The following AASDH variants were observed in gnomAD, a reference collection of about 807,000 sequenced individuals.
AASDH encodes aminoadipate-semialdehyde dehydrogenase.
AASDH carries 81 observed loss-of-function variants against 102.3 expected under a neutral mutation model. That is an observed-to-expected ratio of 0.79 (90% CI 0.66 to 0.95). The LOEUF (loss-of-function observed/expected upper bound fraction) is 0.95. Among genes scored for constraint, AASDH ranks in the 40% least tolerant of loss-of-function variants. The probability of loss-of-function intolerance (pLI) is 0.00; values close to 1 mark genes in which losing one functional copy is unlikely to be tolerated. For missense variants in AASDH, 1,203 were observed against 1,266.2 expected, an observed-to-expected ratio of 0.95 and a Z score of 0.76; for synonymous variants, 398 against 454.0, an observed-to-expected ratio of 0.88 and a Z score of 1.57.
chr4:56,354,613 A>C (rs1187682068), intron 7 of AASDH, 92 bp downstream of exon 7: 1 of 921,912 alleles, frequency 1.1e-6, no homozygotes, highest in East Asian at 2.5e-5. Context: ...AAAGCATGAG[A>C]TAGACAAAAG....
At chr4:56,376,336 TCTTAAAGACAAAAC>T (rs1752338038) in intron 4 of AASDH, among the ~76,000 whole-genome samples, 1 of 152,172 alleles carries the variant, frequency 6.6e-6, no homozygotes, top group South Asian at 2.1e-4. Context: ...ACCTCTCCCA[TCTTAAAGACAAAAC>T]ACCTGTGTCC....
chr4:56,356,358 G>A (rs1009590374), intron 5 of AASDH: 378 of 1,584,692 alleles, frequency 2.4e-4, no homozygotes, highest in Non-Finnish European at 2.9e-4. Flanking sequence ...GCGGCTGAAA[G>A]TGCCTCCTGC....
rs1194788893 is a variant in AASDH at position 56,345,157 on chromosome 4, A to C, written c.2622T>G (p.His874Gln). ...TATCTAAAGCATATGCGTGCTGGTCATGAGATCCAATGTAAATGAGTCCTG... is the reference window on the plus strand; with the variant it reads ...TATCTAAAGCATATGCGTGCTGGTCCTGAGATCCAATGTAAATGAGTCCTG... ...PTTGLIYIGS[H>Q]DQHAYALDIY... The change falls in exon 12 of 15, where the codon CAT (histidine) becomes CAG (glutamine). Residue 874 changes from histidine (H) to glutamine (Q), a missense_variant. Physicochemically the swap from His to Gln is conservative, Grantham distance 24. Coordinates refer to ENST00000205214, the MANE Select transcript of AASDH (RefSeq NM_181806.4). The C allele has an allele frequency of 1.2e-6, 2 of 1,614,118 alleles. No homozygotes were observed. Among genetic ancestry groups the C allele is most frequent in the Admixed American group, 1.7e-5 (1 of 60,000 alleles).
intron 1 of AASDH, among the ~76,000 whole-genome samples, chr4:56,387,044 T>C (rs1296623945): frequency 6.6e-5 from 10 of 152,196 alleles, no homozygotes; most frequent in African/African-American, 2.4e-4. Context: ...ATTTACGGTA[T>C]GCAACGAGTA....
At chr4:56,381,546 T>C (rs996611380) in intron 3 of AASDH, among the ~76,000 whole-genome samples, 5 of 151,378 alleles carry the variant, frequency 3.3e-5, no homozygotes, top group African/African-American at 7.3e-5. Flanking sequence ...CCACTGCCCA[T>C]TGCACTTCAG....
chr4:56,369,168 T>A (rs1166872451), intron 5 of AASDH, among the ~76,000 whole-genome samples: 2 of 152,142 alleles, frequency 1.3e-5, no homozygotes, highest in African/African-American at 2.4e-5. Flanking sequence ...AAAAATTTGA[T>A]CCCAAAAAGG....
Position 56,349,314 on chromosome 4 carries a change from G to C in AASDH, c.2437C>G (p.Arg813Gly). ...GATACACATGCTGAGGATTCAATTC[G>C]ATCTCCCAAAATCTGTTCCCATTTT... ...KVKWEQILGD[R>G]IESSACVSKC... The change falls in exon 11 of 15, where the codon CGA (arginine) becomes GGA (glycine). Residue 813 changes from arginine to glycine, a missense_variant. Physicochemically the swap from Arg to Gly is moderately radical, Grantham distance 125. Coordinates refer to ENST00000205214, the MANE Select transcript of AASDH (RefSeq NM_181806.4). The C allele has an allele frequency of 6.2e-7, 1 of 1,614,030 alleles. No individual in the cohort carries two copies. The highest frequency in any genetic ancestry group is 8.5e-7 in the Non-Finnish European group (1 of 1,180,036).
intron 4 of AASDH, among the ~76,000 whole-genome samples, chr4:56,372,882 T>G (rs1247309624): frequency 6.6e-6 from 1 of 152,190 alleles, no homozygotes; most frequent in Non-Finnish European, 1.5e-5. Context: ...AATGCTTAGA[T>G]TCAATAGAGT....
chr4:56,377,224 A>C (rs1208187894), intron 4 of AASDH, among the ~76,000 whole-genome samples: 1 of 152,174 alleles, frequency 6.6e-6, no homozygotes, highest in Non-Finnish European at 1.5e-5. Flanking sequence ...TACATGTTTC[A>C]TGAGGTTTCT....
chr4:56,351,187 T>G (rs1179588723), intron 10 of AASDH, among the ~76,000 whole-genome samples, 155 bp downstream of exon 10: 1 of 152,232 alleles, frequency 6.6e-6, no homozygotes, highest in Admixed American at 6.5e-5. Context: ...AACCTTCATT[T>G]TAATACAAAT....
At chr4:56,359,745 G>C (rs1218992302) in intron 5 of AASDH, among the ~76,000 whole-genome samples, 1 of 151,750 alleles carries the variant, frequency 6.6e-6, no homozygotes, top group African/African-American at 2.4e-5. Flanking sequence ...TTTTAGTAGA[G>C]ACAGGGTTTC....
intron 13 of AASDH, among the ~76,000 whole-genome samples, chr4:56,343,275 G>C (rs1237195231): frequency 6.6e-6 from 1 of 152,176 alleles, no homozygotes; most frequent in East Asian, 1.9e-4. Context: ...GGAGGCAGAG[G>C]TTGCAGTAAG....
intron 8 of AASDH, 132 bp downstream of exon 8, chr4:56,353,907 C>G: frequency 1.3e-6 from 1 of 795,560 alleles, no homozygotes; most frequent in East Asian, 2.9e-5. Flanking sequence ...TTATTCATAC[C>G]CTTTATTGTA....
rs755827996 is a variant in AASDH, at chr4:56,349,358, T to C, written c.2393A>G (p.Asp798Gly). Residue 798 changes from aspartate to glycine, a missense_variant, in exon 11 of 15, where the codon GAC becomes GGC. Coordinates refer to ENST00000205214, the MANE Select transcript of AASDH (RefSeq NM_181806.4). The stretch of plus-strand genomic sequence containing the variant: ...CCATTTTACCTTCCCAGAGTAAAAG[T>C]CAACTGCCTTCATTCTATGAGAATG... Reference protein sequence around the residue: ...GSHSHRMKAVDFYSGKVKWEQ... With the variant: ...GSHSHRMKAVGFYSGKVKWEQ... The C allele has an allele frequency of 2.5e-6, 4 of 1,614,186 alleles. No homozygotes were observed. In the South Asian group the frequency reaches 4.4e-5, roughly 18 times the overall value.
chr4:56,382,926 G>C (rs1983378), intron 2 of AASDH, among the ~76,000 whole-genome samples: 1 of 151,998 alleles, frequency 6.6e-6, no homozygotes, highest in East Asian at 1.9e-4. Context: ...AAAATCAGCC[G>C]GGCGTCTGCA....
Position 56,338,386 on chromosome 4 carries a change from T to TAAG in AASDH, c.*13_*15dup. 1 of 1,606,814 alleles carries TAAG rather than the reference T, an allele frequency of 6.2e-7. No homozygotes were observed. Among genetic ancestry groups the TAAG allele is most frequent in the African/African-American group, 1.3e-5 (1 of 74,762 alleles). ...AAATATCTCACATTTGTTATACAAA[T>TAAG]AAGGACTGTATTTGATTATTTTTGA... is the stretch of plus-strand genomic sequence containing the variant. On this transcript the variant is annotated 3_prime_UTR_variant, in exon 15 of 15. Coordinates refer to ENST00000205214, the MANE Select transcript of AASDH (RefSeq NM_181806.4).
rs1243520893 is a variant in AASDH at position 56,384,217 on chromosome 4, T to C, written c.83A>G (p.Gln28Arg). The change falls in exon 2 of 15, where the codon CAG becomes CGG. Residue 28 changes from glutamine to arginine, a missense_variant. By Grantham distance (43) the Gln-to-Arg change is conservative. Coordinates refer to ENST00000205214, the MANE Select transcript of AASDH (RefSeq NM_181806.4). ...VAVCFDECNN[Q>R]LPVYYTYKTV... The stretch of plus-strand genomic sequence containing the variant: ...CTTGTAGGTGTAGTAAACTGGAAGC[T>C]GGTTGTTGCATTCATCAAAACATAC... The C allele has an allele frequency of 6.2e-7, 1 of 1,614,044 alleles. No homozygotes were observed. The highest frequency in any genetic ancestry group is 1.3e-5 in the African/African-American group (1 of 74,928).
chr4:56,374,599 A>G (rs1169475033), intron 4 of AASDH, among the ~76,000 whole-genome samples: 1 of 151,876 alleles, frequency 6.6e-6, no homozygotes, highest in Non-Finnish European at 1.5e-5. Context: ...TATTTTCCTG[A>G]AAACCCATTT....
Position 56,383,926 on chromosome 4 carries a change from T to A in AASDH, c.230+144A>T. 2 of 530,516 alleles carry A rather than the reference T, an allele frequency of 3.8e-6. 1 individual carries two copies. Among genetic ancestry groups the A allele is most frequent in the Non-Finnish European group, 6.4e-6 (2 of 312,130 alleles). 32.9% of individuals were successfully genotyped at this position (530,516 alleles called of 1,614,324 possible). A position where few individuals can be genotyped will look rare whatever the true frequency, so the allele number is the denominator to read the frequency against. On this transcript the variant is annotated intron_variant, in intron 2 of 14. Coordinates refer to ENST00000205214, the MANE Select transcript of AASDH (RefSeq NM_181806.4). ...TAATATAAAAATAATACTGGGGAAA[T>A]GCAAACTTCTTTAGTCTCTCTACAA...
Sources: gnomAD v4.1 joint callset for allele counts (sites outside exome capture counted in the v4.1 genomes callset) on GRCh38, gnomAD v4.1.1 for gene constraint, MANE v1.5 for transcripts, NCBI Gene and HGNC (gene_info 2026-07-23, HGNC 2026-07-21) for gene names.